The following CHTOP variants were observed in gnomAD, a reference collection of about 807,000 sequenced individuals.
CHTOP encodes the protein chromatin target of PRMT1 protein.
Under a neutral mutation model 33.6 loss-of-function variants are expected in CHTOP, and 18 were observed. That is an observed-to-expected ratio of 0.54 (90% CI 0.37 to 0.80). The LOEUF is 0.80. Among genes scored for constraint, CHTOP ranks in the 30% least tolerant of loss-of-function variants. The pLI is 0.00. For missense variants in CHTOP, 263 were observed against 336.8 expected, an observed-to-expected ratio of 0.78 and a Z score of 1.71; for synonymous variants, 117 against 127.7, an observed-to-expected ratio of 0.92 and a Z score of 0.56.
At chr1:153,643,064 G>A (rs1668685737) in intron 4 of CHTOP, 163 bp from the exon 5 acceptor site, 1 of 769,418 alleles carries the variant, frequency 1.3e-6, no homozygotes, top group Non-Finnish European at 2.2e-6. Context: ...TGAATTGATT[G>A]AATAAAGAGT....
At chr1:153,642,851 A>T (rs1051952217) in intron 4 of CHTOP, 1 of 266,228 alleles carries the variant, frequency 3.8e-6, no homozygotes, top group East Asian at 1.1e-4. Context: ...ATATATGTTC[A>T]TTTGGGGCAC....
intron 4 of CHTOP, chr1:153,642,856 G>C: frequency 3.8e-6 from 1 of 266,440 alleles, no homozygotes; most frequent in South Asian, 4.2e-5. Context: ...TGTTCATTTG[G>C]GGCACTATTA....
intron 3 of CHTOP, chr1:153,639,475 TG>T: frequency 2.6e-6 from 2 of 778,702 alleles, no homozygotes; most frequent in Non-Finnish European, 3.1e-6. Flanking sequence ...TAGCATTGCA[TG>T]GCTATGCATA....
chr1:153,635,335 A>G (rs1668325435), intron 1 of CHTOP, among the ~76,000 whole-genome samples: 1 of 151,200 alleles, frequency 6.6e-6, no homozygotes, highest in African/African-American at 2.4e-5. Context: ...ATATTTTTAT[A>G]GAAACGGGGT....
intron 1 of CHTOP, 118 bp from the exon 2 acceptor site, chr1:153,636,454 G>A (rs1336632804): frequency 7.9e-6 from 5 of 633,450 alleles, no homozygotes; most frequent in East Asian, 2.8e-5. Flanking sequence ...ATGTGCCCTC[G>A]TGTGCTCTTT....
chr1:153,640,543 G>T (rs1668583857), intron 3 of CHTOP, among the ~76,000 whole-genome samples: 1 of 152,094 alleles, frequency 6.6e-6, no homozygotes, highest in South Asian at 2.1e-4. Flanking sequence ...ACTTTGGGAG[G>T]CCTGGGCAGG....
rs985593599 is a variant in CHTOP at position 153,646,288 on chromosome 1, A to G, written c.*1019A>G. The stretch of plus-strand genomic sequence containing the variant: ...CTTGTATTTCTGGTTCATTATAACA[A>G]ACTGTTCGCTTAAATCCACCCAGGA... On this transcript the variant is annotated 3_prime_UTR_variant, in exon 6 of 6. Transcript: ENST00000368694. The G allele has an allele frequency of 3.3e-5, 5 of 152,116 alleles. 1 individual carries two copies. Among genetic ancestry groups the G allele is most frequent in the African/African-American group, 9.7e-5 (4 of 41,406 alleles). The allele number at this position is 152,116 out of a possible 1,614,324, so 9.4% of individuals were successfully genotyped here.
intron 3 of CHTOP, among the ~76,000 whole-genome samples, chr1:153,640,137 A>G (rs1239603529): frequency 6.6e-6 from 1 of 152,352 alleles, no homozygotes; most frequent in South Asian, 2.1e-4. Flanking sequence ...CACTAGTCAC[A>G]TGTGGCTATT....
At chr1:153,634,697 C>T (rs1170724257) in intron 1 of CHTOP, among the ~76,000 whole-genome samples, 1 of 81,768 alleles carries the variant, frequency 1.2e-5, no homozygotes, top group African/African-American at 4.5e-5. Context: ...GTGGAGGGCT[C>T]TTTGCGAGCT....
At chr1:153,638,864 G>A (rs1668508343) in intron 3 of CHTOP, among the ~76,000 whole-genome samples, 1 of 148,964 alleles carries the variant, frequency 6.7e-6, no homozygotes, top group Admixed American at 6.9e-5. Flanking sequence ...AGTTTGCATG[G>A]CCTTAGTCAA....
At position 153,643,355 on chromosome 1, in the gene CHTOP, G is replaced by A. The variant is rs202064952; in HGVS notation, c.532G>A (p.Gly178Ser). 2.2e-5 allele frequency: 34 copies of A among 1,561,274 alleles called. No individual in the cohort carries two copies. The highest frequency in any genetic ancestry group is 2.6e-5 in the Non-Finnish European group (30 of 1,157,154). The change falls in exon 5 of 6, where the codon GGT (glycine) becomes AGT (serine). Residue 178 changes from glycine (G) to serine (S), a missense_variant. By Grantham distance (56) the Gly-to-Ser change is moderately conservative. Coordinates refer to ENST00000368694, the MANE Select transcript of CHTOP (RefSeq NM_015607.4). ...TGGAGCTATGGGTCGTGGCGGAATC[G>A]GTGGTAGAGGTTAGTCAGCTACCAA... is the stretch of plus-strand genomic sequence containing the variant. The part of the protein sequence containing the change: ...GRGAMGRGGI[G>S]GRGRGMIGRG...
chr1:153,635,213 G>A (rs1668317021), intron 1 of CHTOP, among the ~76,000 whole-genome samples: 2 of 151,216 alleles, frequency 1.3e-5, no homozygotes, highest in South Asian at 2.1e-4. Context: ...AAGCACCTAG[G>A]TAGCTTTCCC....
At chr1:153,639,941 T>A (rs192433103) in intron 3 of CHTOP, among the ~76,000 whole-genome samples, 302 of 152,084 alleles carry the variant, frequency 2.0e-3, no homozygotes, top group African/African-American at 7.1e-3. Context: ...ACCCGGCTAA[T>A]TTTTGTATTT....
chr1:153,642,216 T>G, intron 3 of CHTOP, 30 bp from the exon 4 acceptor site: 1 of 1,563,486 alleles, frequency 6.4e-7, no homozygotes, highest in Non-Finnish European at 8.7e-7. Flanking sequence ...TTTTTTGATC[T>G]CAATCCCCTA....
chr1:153,635,341 G>A (rs895771462), intron 1 of CHTOP, among the ~76,000 whole-genome samples: 1 of 150,920 alleles, frequency 6.6e-6, no homozygotes, highest in Non-Finnish European at 1.5e-5. Context: ...TTATAGAAAC[G>A]GGGTCTTACC....
At chr1:153,640,727 T>G (rs1668590698) in intron 3 of CHTOP, among the ~76,000 whole-genome samples, 1 of 152,140 alleles carries the variant, frequency 6.6e-6, no homozygotes, top group Admixed American at 6.5e-5. Context: ...GCCAAGATCG[T>G]GTCACTGCAC....
intron 2 of CHTOP, 35 bp downstream of exon 2, chr1:153,636,688 A>G: frequency 6.3e-6 from 10 of 1,591,858 alleles, no homozygotes; most frequent in Non-Finnish European, 8.6e-6. Context: ...ACTCCTTCCT[A>G]AGAAAACATT....
In CHTOP at chr1:153,638,113, C is replaced by T. The variant is rs1668478090; in HGVS notation, c.66-182C>T. The T allele has an allele frequency of 6.4e-6, 4 of 624,160 alleles. No individual in the cohort carries two copies. In the South Asian group the frequency reaches 8.1e-5, roughly 13 times the overall value. The allele number at this position is 624,160 out of a possible 1,614,324, so 38.7% of individuals were successfully genotyped here. A position where few individuals can be genotyped will look rare whatever the true frequency, so the allele number is the denominator to read the frequency against. On this transcript the variant is annotated intron_variant, in intron 2 of 5. Transcript: ENST00000368694. ...TGCACTTAGCTGCATTTCTAAGTTT[C>T]TGATTCTTGCAAGTTTGTGGAAACA...
chr1:153,642,215 C>G, intron 3 of CHTOP, 31 bp from the exon 4 acceptor site: 1 of 1,556,898 alleles, frequency 6.4e-7, no homozygotes, highest in East Asian at 2.3e-5. Flanking sequence ...CTTTTTTGAT[C>G]TCAATCCCCT....
Sources: allele counts gnomAD v4.1 joint callset (sites outside exome capture counted in the v4.1 genomes callset), GRCh38; gene constraint gnomAD v4.1.1; transcripts MANE v1.5; gene names NCBI Gene and HGNC (gene_info 2026-07-23, HGNC 2026-07-21).